The following COG5 variants were observed in gnomAD, a reference collection of about 807,000 sequenced individuals.
COG5 encodes the protein conserved oligomeric Golgi complex subunit 5.
In COG5, 86 loss-of-function variants were observed where a neutral mutation model predicts 110.4. The ratio of observed to expected loss-of-function variants is 0.78; its 90% CI spans 0.65 to 0.93. The LOEUF is 0.93. Among genes scored for constraint, COG5 ranks in the 40% least tolerant of loss-of-function variants. COG5 has a pLI of 0.00. For synonymous variants in COG5, 360 were observed against 334.6 expected, an observed-to-expected ratio of 1.08 and a Z score of -0.83; for missense variants, 1,077 against 987.0, an observed-to-expected ratio of 1.09 and a Z score of -1.22.
chr7:107,295,040 C>CACACACACAG (rs1806567768), intron 12 of COG5, among the ~76,000 whole-genome samples: 2 of 29,128 alleles, frequency 6.9e-5, no homozygotes, highest in African/African-American at 3.7e-4. Context: ...CACACATATA[C>CACACACACAG]ACACACACAC....
intron 17 of COG5, among the ~76,000 whole-genome samples, chr7:107,238,509 T>A (rs1584557404): frequency 6.6e-6 from 1 of 152,242 alleles, no homozygotes. Flanking sequence ...TCTTAGGTTA[T>A]GTATCCAGAA....
chr7:107,395,092 A>C (rs1790890347), intron 7 of COG5, among the ~76,000 whole-genome samples: 2 of 152,212 alleles, frequency 1.3e-5, no homozygotes. Flanking sequence ...TTTAACTGGA[A>C]AACCACACAG....
chr7:107,249,444 T>C (rs1802312109), intron 16 of COG5, among the ~76,000 whole-genome samples: 1 of 152,124 alleles, frequency 6.6e-6, no homozygotes, highest in Admixed American at 6.6e-5. Context: ...ATTTACTTGA[T>C]GTAAAACCCT....
At chr7:107,290,365 A>C (rs1806059915) in intron 12 of COG5, among the ~76,000 whole-genome samples, 1 of 152,228 alleles carries the variant, frequency 6.6e-6, no homozygotes, top group Non-Finnish European at 1.5e-5. Flanking sequence ...GCACATCCTT[A>C]ACCTGTGCAA....
chr7:107,211,396 C>G (rs533960761), intron 19 of COG5, among the ~76,000 whole-genome samples, 171 bp from the exon 20 acceptor site: 65 of 152,260 alleles, frequency 4.3e-4, no homozygotes, highest in Admixed American at 2.7e-3. Context: ...GCCTCTACCC[C>G]CACATGCCCA....
chr7:107,415,849 TAC>T (rs111596691), intron 6 of COG5, among the ~76,000 whole-genome samples: 2,228 of 45,594 alleles, frequency 0.049, 447 homozygotes, highest in African/African-American at 0.31. Context: ...TGTGTATATA[TAC>T]ACACACATAC....
At chr7:107,219,217 G>C (rs1328808944) in intron 19 of COG5, among the ~76,000 whole-genome samples, 1 of 152,124 alleles carries the variant, frequency 6.6e-6, no homozygotes, top group Non-Finnish European at 1.5e-5. Context: ...GGGGAAAAGG[G>C]AACCCTTGTA....
At chr7:107,344,467 G>T (rs1214916075) in intron 10 of COG5, among the ~76,000 whole-genome samples, 1 of 152,166 alleles carries the variant, frequency 6.6e-6, no homozygotes. Flanking sequence ...TGGCTGGCTT[G>T]ATCTTCTATT....
chr7:107,541,773 A>T (rs1484114025), intron 5 of COG5, among the ~76,000 whole-genome samples: 2 of 151,038 alleles, frequency 1.3e-5, no homozygotes, highest in Non-Finnish European at 3.0e-5. Flanking sequence ...TCTACTAAAA[A>T]TACAAAAATT....
In COG5 at chr7:107,445,838, G is replaced by C. The variant is rs546932065; in HGVS notation, c.539-33206C>G. 3.3e-5 allele frequency among the ~76,000 whole-genome samples: 5 copies of C among 152,254 alleles called. No individual in the cohort carries two copies. In the East Asian group the frequency reaches 9.6e-4, roughly 29 times the overall value. On this transcript the variant is annotated intron_variant, in intron 6 of 21. Coordinates refer to ENST00000297135, the MANE Select transcript of COG5 (RefSeq NM_006348.5). ...TGAGTAATCATGCGCTAGGCACTAT[G>C]CTACAAGACACACCAACAAACAAAA...
chr7:107,318,389 T>C (rs1332001464), intron 11 of COG5, among the ~76,000 whole-genome samples: 1 of 152,158 alleles, frequency 6.6e-6, no homozygotes, highest in Non-Finnish European at 1.5e-5. Context: ...AAAGTACAAA[T>C]TAAATGTACT....
chr7:107,527,238 A>G lies in COG5; in HGVS notation c.537T>C (p.Leu179=). The change falls in exon 6 of 22, where the codon CTT becomes CTC. Residue 179 remains leucine, a splice_region_variant and synonymous_variant. Transcript: ENST00000297135. ...ITKAAQSLNE[L]DYLSQGIDLS... is the part of the protein sequence containing the mutation. Reference sequence around the variant, plus strand: ...ATTTAAAAAAAAAAAAAAACTTACCAAGTTCATTGAGACTCTGAGCAGCTT... The same window carrying G: ...ATTTAAAAAAAAAAAAAAACTTACCGAGTTCATTGAGACTCTGAGCAGCTT... 6.4e-7 allele frequency: 1 copy of G among 1,557,926 alleles called. No homozygotes were observed. Among genetic ancestry groups the G allele is most frequent in the Non-Finnish European group, 8.7e-7 (1 of 1,151,288 alleles).
intron 19 of COG5, among the ~76,000 whole-genome samples, chr7:107,223,303 A>G (rs941643709): frequency 1.6e-4 from 24 of 152,308 alleles, no homozygotes; most frequent in Admixed American, 1.1e-3. Context: ...GGCCTGTAGA[A>G]GGTGAGCATT....
rs897091614 is a variant in COG5, at chr7:107,203,579, T to C, written c.2427A>G (p.Glu809=). 1.9e-6 allele frequency: 3 copies of C among 1,614,040 alleles called. No individual in the cohort carries two copies. The African/African-American group carries it at 4.0e-5, about 22-fold the overall frequency. ...VQSVRSREGK[E]FAPVYPIMVQ... ...CCATTATGGGATAAACTGGTGCAAA[T>C]TCTTTGCCTTCTCTACTTCTCACTG... is the stretch of plus-strand genomic sequence containing the variant. The change falls in exon 22 of 22, where the codon GAA becomes GAG. Residue 809 remains glutamate (E), a synonymous_variant. Coordinates refer to ENST00000297135, the MANE Select transcript of COG5 (RefSeq NM_006348.5).
At chr7:107,359,300 T>C (rs1441072254) in intron 10 of COG5, among the ~76,000 whole-genome samples, 1 of 152,200 alleles carries the variant, frequency 6.6e-6, no homozygotes, top group Non-Finnish European at 1.5e-5. Context: ...CAGCCAGGTG[T>C]GTGCAGACTC....
At chr7:107,258,446 TCTCTCA>T in intron 14 of COG5, 63 bp from the exon 15 acceptor site, 1 of 903,314 alleles carries the variant, frequency 1.1e-6, no homozygotes, top group Non-Finnish European at 1.9e-6. Flanking sequence ...TCTCTCTCTC[TCTCTCA>T]CACACACACA....
intron 6 of COG5, among the ~76,000 whole-genome samples, chr7:107,509,009 C>T (rs181369361): frequency 2.0e-4 from 31 of 152,282 alleles, no homozygotes; most frequent in East Asian, 3.9e-4. Context: ...TCCAAAGGAA[C>T]GCAGCTCCTC....
chr7:107,555,246 C>T (rs1032301872), intron 2 of COG5, among the ~76,000 whole-genome samples: 2 of 152,184 alleles, frequency 1.3e-5, no homozygotes, highest in Non-Finnish European at 1.5e-5. Context: ...TTACTAAAGG[C>T]GACATGCAAG....
intron 6 of COG5, among the ~76,000 whole-genome samples, chr7:107,508,355 C>A (rs1799199412): frequency 6.6e-6 from 1 of 152,212 alleles, no homozygotes; most frequent in Non-Finnish European, 1.5e-5. Flanking sequence ...ATTGCCCAGG[C>A]TTGATTAGGT....
Sources: gnomAD v4.1 joint callset for allele counts (sites outside exome capture counted in the v4.1 genomes callset) on GRCh38, gnomAD v4.1.1 for gene constraint, MANE v1.5 for transcripts, NCBI Gene and HGNC (gene_info 2026-07-23, HGNC 2026-07-21) for gene names.